The following SEZ6L2 variants were observed in gnomAD, a reference collection of about 807,000 sequenced individuals.
The protein encoded by SEZ6L2 is seizure related 6 homolog like 2.
In SEZ6L2, 44 loss-of-function variants were observed where a neutral mutation model predicts 97.0. That is an observed-to-expected ratio of 0.45 (90% CI 0.36 to 0.58). SEZ6L2 has a LOEUF of 0.58. Ranked by LOEUF, SEZ6L2 falls within the 20% of genes least tolerant of loss-of-function variation. The pLI, the probability that SEZ6L2 is intolerant of heterozygous loss-of-function variation, is 0.00. For missense variants in SEZ6L2, 1,086 were observed against 1,233.3 expected, an observed-to-expected ratio of 0.88 and a Z score of 1.79; for synonymous variants, 543 against 546.1, an observed-to-expected ratio of 0.99 and a Z score of 0.08.
intron 8 of SEZ6L2, among the ~76,000 whole-genome samples, chr16:29,880,759 G>A (rs1443031117): frequency 6.6e-6 from 1 of 151,152 alleles, no homozygotes; most frequent in African/African-American, 2.4e-5. Context: ...GCCCAGCCTG[G>A]GTTTTTTTTT....
rs149601538 is a variant in SEZ6L2, at chr16:29,873,649, C to T, written c.2185G>A (p.Val729Ile). ...SDAGFPVGSH[V>I]QYRCLPGYSL... ...TACCCTGGCAGGCAGCGGTACTGGA[C>T]GTGGGAGCCAACGGGGAAGCCGGCG... Residue 729 changes from valine (V) to isoleucine (I), a missense_variant, in exon 13 of 18, where the codon GTC becomes ATC. By Grantham distance (29) the Val-to-Ile change is conservative. Coordinates refer to ENST00000617533, the MANE Select transcript of SEZ6L2 (RefSeq NM_001243332.2). This position sits in a 1 kb window ranked among gnomAD's most constrained non-coding sequence, Gnocchi z 4.3. 379 of 1,613,800 alleles carry T rather than the reference C, an allele frequency of 2.3e-4. 1 individual carries two copies. The East Asian group carries it at 5.6e-3, about 24-fold the overall frequency.
chr16:29,873,430 C>T lies in SEZ6L2; in HGVS notation c.2298G>A (p.Leu766=), dbSNP rs1399060388. ...CCGGGTTCAGGCACGGCTCGTACTT[C>T]ACTGCGGGGAGCATGCCAGTCACGT... ...KWSDRVPKCA[L]KYEPCLNPGV... is the part of the protein sequence containing the mutation. Residue 766 remains leucine (L), a splice_region_variant and synonymous_variant, in exon 14 of 18, where the codon TTG becomes TTA. Coordinates refer to ENST00000617533, the MANE Select transcript of SEZ6L2 (RefSeq NM_001243332.2). This position sits in a 1 kb window ranked among gnomAD's most constrained non-coding sequence, Gnocchi z 4.3. 1 of 1,614,222 alleles carries T rather than the reference C, an allele frequency of 6.2e-7. No individual in the cohort carries two copies.
At position 29,899,315 on chromosome 16, in the gene SEZ6L2, G is replaced by A; in HGVS notation, c.-296C>T. On this transcript the variant is annotated 5_prime_UTR_variant, in exon 1 of 18. Transcript: ENST00000617533. The stretch of plus-strand genomic sequence containing the variant: ...GGGGTGGGGCCGAGAGGGCCGAAGG[G>A]GCCGGGTGGCCTGGGTTACCCTCCT... 5.0e-6 allele frequency: 2 copies of A among 398,934 alleles called. No homozygotes were observed. Among genetic ancestry groups the A allele is most frequent in the South Asian group, 2.5e-5 (1 of 40,106 alleles). 24.7% of individuals were successfully genotyped at this position (398,934 alleles called of 1,614,324 possible).
intron 1 of SEZ6L2, 106 bp downstream of exon 1, chr16:29,898,835 C>G: frequency 1.2e-6 from 1 of 867,846 alleles, no homozygotes; most frequent in Non-Finnish European, 1.8e-6. Context: ...CTGTGCCTCT[C>G]CCCTCCCCCA....
At chr16:29,888,475 GAGATAGGACCCTCCCA>G in intron 6 of SEZ6L2, 49 bp downstream of exon 6, 1 of 1,537,608 alleles carries the variant, frequency 6.5e-7, no homozygotes. Flanking sequence ...GGACACCCCC[GAGATAGGACCCTCCCA>G]ATGGGGTTCC....
rs1361532738 is a variant in SEZ6L2 at position 29,872,538 on chromosome 16, G to A, written c.2528-12C>T. The stretch of plus-strand genomic sequence containing the variant: ...TGTGGTCTGGGTCACTACAGGAGGA[G>A]GAGAGGCCGGTGAGCTGTGGCTGGG... On this transcript the variant is annotated splice_polypyrimidine_tract_variant and intron_variant, in intron 15 of 17. Transcript: ENST00000617533. The A allele has an allele frequency of 1.9e-6, 3 of 1,612,984 alleles. No homozygotes were observed. Among genetic ancestry groups the A allele is most frequent in the Non-Finnish European group, 2.5e-6 (3 of 1,179,238 alleles).
rs1253897203 is a variant in SEZ6L2, at chr16:29,877,337, G to T, written c.1843C>A (p.Gln615Lys). 2.5e-6 allele frequency: 4 copies of T among 1,613,308 alleles called. No homozygotes were observed. Among genetic ancestry groups the T allele is most frequent in the Admixed American group, 1.7e-5 (1 of 59,900 alleles). Residue 615 changes from glutamine (Q) to lysine (K), a missense_variant, in exon 11 of 18, where the codon CAG becomes AAG. Gln to Lys is a moderately conservative substitution (Grantham distance 53). Transcript: ENST00000617533. The stretch of plus-strand genomic sequence containing the variant: ...GGGGGCCCGGGCGGTGCCTGAAACT[G>T]CAGTGTGAGGTCGGGCCCAGAGGAG... ...LLSSGPDLTL[Q>K]FQAPPGPPNP...
In SEZ6L2 at chr16:29,895,707, T is replaced by C. The variant is rs772479636; in HGVS notation, c.651+14A>G. The C allele has an allele frequency of 1.9e-6, 3 of 1,610,398 alleles. No individual in the cohort carries two copies. The highest frequency in any genetic ancestry group is 1.1e-5 in the South Asian group (1 of 90,694). On this transcript the variant is annotated intron_variant, in intron 4 of 17. Coordinates refer to ENST00000617533, the MANE Select transcript of SEZ6L2 (RefSeq NM_001243332.2). Reference sequence around the variant, plus strand: ...GCTTGGAAGCTGCACAGTCACATGCTTTGGTCCAGTTACCTGGATCTCAAT... The same window carrying C: ...GCTTGGAAGCTGCACAGTCACATGCCTTGGTCCAGTTACCTGGATCTCAAT...
rs780725654 is a variant in SEZ6L2, at chr16:29,873,633, A to T, written c.2201T>A (p.Leu734Gln). Residue 734 changes from leucine (L) to glutamine (Q), a missense_variant, in exon 13 of 18, where the codon CTG (leucine) becomes CAG (glutamine). By Grantham distance (113) the Leu-to-Gln change is moderately radical (BLOSUM62 -2). Around this residue, in one of 2 missense-constraint regions of SEZ6L2, gnomAD observed 310 missense variants for 438.6 expected, o/e 0.71. Coordinates refer to ENST00000617533, the MANE Select transcript of SEZ6L2 (RefSeq NM_001243332.2). The surrounding 1 kb of genome is among the most constrained non-coding windows in gnomAD (Gnocchi z 4.3). ...PVGSHVQYRC[L>Q]PGYSLEGAAM... ...TGCCCCCTCGAGGCTGTACCCTGGC[A>T]GGCAGCGGTACTGGACGTGGGAGCC... The T allele has an allele frequency of 8.7e-6, 14 of 1,613,906 alleles. No homozygotes were observed. The highest frequency in any genetic ancestry group is 1.1e-5 in the Non-Finnish European group (13 of 1,180,014).
At chr16:29,898,118 G>A (rs887178082) in intron 1 of SEZ6L2, 134 bp from the exon 2 acceptor site, 78 of 1,314,126 alleles carry the variant, frequency 5.9e-5, no homozygotes, top group Middle Eastern at 1.9e-4. Flanking sequence ...AGGCTCGACT[G>A]AGGGCCAAGA....
chr16:29,895,178 CAA>C (rs55954869), intron 5 of SEZ6L2, 79 bp downstream of exon 5: 92,998 of 555,920 alleles, frequency 0.17, 298 homozygotes, highest in Middle Eastern at 0.2. Context: ...GACTCTGTCT[CAA>C]AAAAAAAAAA....
intron 8 of SEZ6L2, among the ~76,000 whole-genome samples, chr16:29,884,453 G>T (rs2068090329): frequency 6.6e-6 from 1 of 151,694 alleles, no homozygotes; most frequent in African/African-American, 2.4e-5. Context: ...TTAGCTGGGC[G>T]TGGTGATGCA....
At chr16:29,877,148 G>A (rs1477755152) in intron 11 of SEZ6L2, 123 bp downstream of exon 11, 2 of 1,200,756 alleles carry the variant, frequency 1.7e-6, no homozygotes, top group Non-Finnish European at 2.3e-6. Context: ...GGCTTCAAAC[G>A]ATCCTCCCGC....
intron 8 of SEZ6L2, among the ~76,000 whole-genome samples, chr16:29,881,015 C>T (rs59456389): frequency 0.036 from 5,431 of 151,708 alleles, 370 homozygotes; most frequent in East Asian, 0.29. Context: ...CTCAGGTGAT[C>T]CGCTGGCCTC....
chr16:29,873,486 G>A lies in SEZ6L2; in HGVS notation c.2296+52C>T, dbSNP rs1306177272. ...CTGCACTACTGTGCACGGGGCAGAC[G>A]GGCTCTCCCAGGGCTACCCAGCCAC... On this transcript the variant is annotated intron_variant, in intron 13 of 17. Coordinates refer to ENST00000617533, the MANE Select transcript of SEZ6L2 (RefSeq NM_001243332.2). The surrounding 1 kb of genome is among the most constrained non-coding windows in gnomAD (Gnocchi z 4.3). 1.2e-5 allele frequency: 19 copies of A among 1,613,770 alleles called. No individual in the cohort carries two copies. Among genetic ancestry groups the A allele is most frequent in the South Asian group, 3.3e-5 (3 of 91,070 alleles).
At position 29,895,752 on chromosome 16, in the gene SEZ6L2, T is replaced by C. The variant is rs761930806; in HGVS notation, c.620A>G (p.His207Arg). 3 of 1,613,954 alleles carry C rather than the reference T, an allele frequency of 1.9e-6. No individual in the cohort carries two copies. Among genetic ancestry groups the C allele is most frequent in the East Asian group, 2.2e-5 (1 of 44,892 alleles). ...CTCAATGCCGTAGCCAGGGTAGACATGGATGCTGTAAGTGCAGTCCAGGAG... is the reference window on the plus strand; with the variant it reads ...CTCAATGCCGTAGCCAGGGTAGACACGGATGCTGTAAGTGCAGTCCAGGAG... ...LGLLDCTYSI[H>R]VYPGYGIEIQ... The change falls in exon 4 of 18, where the codon CAT (histidine) becomes CGT (arginine). Residue 207 changes from histidine to arginine, a missense_variant. Coordinates refer to ENST00000617533, the MANE Select transcript of SEZ6L2 (RefSeq NM_001243332.2).
intron 6 of SEZ6L2, among the ~76,000 whole-genome samples, chr16:29,888,339 C>T (rs1404462559): frequency 6.6e-6 from 1 of 152,128 alleles, no homozygotes; most frequent in African/African-American, 2.4e-5. Context: ...TGGAGACCAC[C>T]CAAGGATGGA....
chr16:29,874,618 C>T (rs1364699205), intron 12 of SEZ6L2, among the ~76,000 whole-genome samples: 1 of 119,326 alleles, frequency 8.4e-6, no homozygotes, highest in Non-Finnish European at 1.6e-5. Context: ...GTCGCCCAGG[C>T]TGGAGTGCAG....
chr16:29,897,195 GAAGCTAGGGGTTCCCCTGCCATACCACAA>G (rs1283489971), intron 2 of SEZ6L2, 74 bp from the exon 3 acceptor site: 1 of 1,286,174 alleles, frequency 7.8e-7, no homozygotes, highest in Non-Finnish European at 1.0e-6. Flanking sequence ...AGGGCTGAGG[GAAGCTAGGGGTTCCCCTGCCATACCACAA>G]AAGCCTCCCG....
Sources: allele counts gnomAD v4.1 joint callset (sites outside exome capture counted in the v4.1 genomes callset), GRCh38; gene constraint gnomAD v4.1.1; regional missense constraint gnomAD v4.1.1; non-coding constraint Gnocchi (gnomAD v3.1); transcripts MANE v1.5; gene names NCBI Gene and HGNC (gene_info 2026-07-23, HGNC 2026-07-21).